The following HNRNPM variants were observed in gnomAD, a reference collection of about 807,000 sequenced individuals.
HNRNPM encodes heterogeneous nuclear ribonucleoprotein M.
Under a neutral mutation model 73.1 loss-of-function variants are expected in HNRNPM, and 11 were observed. That is an observed-to-expected ratio of 0.15 (90% CI 0.09 to 0.25). The LOEUF (loss-of-function observed/expected upper bound fraction) is 0.25. Among genes scored for constraint, HNRNPM ranks in the 10% least tolerant of loss-of-function variants. HNRNPM has a pLI of 1.00. For missense variants in HNRNPM, 789 were observed against 1,067.9 expected (o/e 0.74, Z 3.64); for synonymous variants, 407 against 355.2 (o/e 1.15, Z -1.64).
At chr19:8,463,765 T>A in intron 5 of HNRNPM, 79 bp downstream of exon 5, 1 of 984,226 alleles carries the variant, frequency 1.0e-6, no homozygotes, top group Non-Finnish European at 1.6e-6. Flanking sequence ...AAGACGGTCA[T>A]GGTCCCAGAC....
chr19:8,469,344 G>A (rs1418708991), intron 9 of HNRNPM, among the ~76,000 whole-genome samples: 2 of 152,238 alleles, frequency 1.3e-5, no homozygotes, highest in East Asian at 1.9e-4. Flanking sequence ...CTGAGGCCGG[G>A]AAGGAGTAAG....
At position 8,475,662 on chromosome 19, in the gene HNRNPM, C is replaced by G. The variant is rs563932581; in HGVS notation, c.1120+1418C>G. Among the ~76,000 whole-genome samples the G allele has an allele frequency of 1.6e-3, 251 of 152,314 alleles. 1 individual carries two copies. Among genetic ancestry groups the G allele is most frequent in the African/African-American group, 5.8e-3 (241 of 41,560 alleles). ...AAAGTTGTCACCATTAGTAATAAAG[C>G]AACAGAGGTCTGCGTTTCCAGTGTA... is the stretch of plus-strand genomic sequence containing the variant. On this transcript the variant is annotated intron_variant, in intron 12 of 15. Transcript: ENST00000325495.
intron 1 of HNRNPM, 86 bp downstream of exon 1, chr19:8,445,197 C>T (rs920659819): frequency 4.2e-6 from 5 of 1,193,026 alleles, no homozygotes; most frequent in African/African-American, 1.6e-5. Context: ...CTGTTGGCGG[C>T]CTAGCCCCGG....
chr19:8,486,675 A>G (rs1424088406), intron 14 of HNRNPM, among the ~76,000 whole-genome samples: 1 of 152,130 alleles, frequency 6.6e-6, no homozygotes, highest in Non-Finnish European at 1.5e-5. Flanking sequence ...AAGAGGCACT[A>G]TGTGTTGCAC....
chr19:8,466,440 G>T, intron 7 of HNRNPM, 52 bp downstream of exon 7: 4 of 1,562,946 alleles, frequency 2.6e-6, no homozygotes, highest in Non-Finnish European at 3.5e-6. Context: ...AAATTGCTGT[G>T]TTAGTAATGT....
chr19:8,486,113 A>G lies in HNRNPM; in HGVS notation c.1685A>G (p.Asn562Ser), dbSNP rs759856608. The G allele has an allele frequency of 1.5e-5, 24 of 1,603,956 alleles. No individual in the cohort carries two copies. The highest frequency in any genetic ancestry group is 4.4e-5 in the South Asian group (4 of 90,938). The change falls in exon 14 of 16, where the codon AAT becomes AGT. Residue 562 changes from asparagine (N) to serine (S), a missense_variant. By Grantham distance (46) the Asn-to-Ser change is conservative (BLOSUM62 1). This residue lies in a region of HNRNPM where 604 missense variants were observed against 744.0 expected (regional missense o/e 0.81). Transcript: ENST00000325495. ...ATGLERMGANNLERMGLERMG... is the reference protein window; with the variant it reads ...ATGLERMGANSLERMGLERMG... ...GGCCTGGAGCGCATGGGCGCCAACA[A>G]TCTGGAGCGGATGGGCCTGGAGCGC...
In HNRNPM at chr19:8,488,792, A is replaced by T. The variant is rs1384973215; in HGVS notation, c.2131A>T (p.Met711Leu). The change falls in exon 16 of 16, where the codon ATG becomes TTG. Residue 711 changes from methionine (M) to leucine (L), a missense_variant. Met to Leu is a conservative substitution (Grantham distance 15, BLOSUM62 2). This residue lies in a region of HNRNPM where 43 missense variants were observed against 105.8 expected (regional missense o/e 0.41). Coordinates refer to ENST00000325495, the MANE Select transcript of HNRNPM (RefSeq NM_005968.5). Reference protein sequence around the residue: ...SPEVAERACRMMNGMKLSGRE... With the variant: ...SPEVAERACRLMNGMKLSGRE... ...AGAGGTGGCCGAGAGAGCCTGCCGGATGATGAATGGCATGAAGCTGAGTGG... is the reference window on the plus strand; with the variant it reads ...AGAGGTGGCCGAGAGAGCCTGCCGGTTGATGAATGGCATGAAGCTGAGTGG... 10 of 1,614,030 alleles carry T rather than the reference A, an allele frequency of 6.2e-6. No homozygotes were observed. Among genetic ancestry groups the T allele is most frequent in the Non-Finnish European group, 8.5e-6 (10 of 1,180,002 alleles).
chr19:8,479,227 C>G (rs537153932), intron 12 of HNRNPM, among the ~76,000 whole-genome samples: 1 of 151,332 alleles, frequency 6.6e-6, no homozygotes. Context: ...CTGGCACTGC[C>G]GCCACCACAC....
chr19:8,472,508 A>G (rs776320901), intron 10 of HNRNPM, among the ~76,000 whole-genome samples: 3 of 152,308 alleles, frequency 2.0e-5, no homozygotes, highest in South Asian at 2.1e-4. Context: ...TCTAAACAGA[A>G]AGACTGGGGG....
intron 1 of HNRNPM, among the ~76,000 whole-genome samples, chr19:8,445,923 A>C (rs1219267477): frequency 2.6e-5 from 4 of 152,110 alleles, no homozygotes; most frequent in Non-Finnish European, 4.4e-5. Context: ...TTACTTCCAG[A>C]CTTCATCAGC....
At chr19:8,460,899 C>G (rs1377568494) in intron 2 of HNRNPM, among the ~76,000 whole-genome samples, 2 of 152,216 alleles carry the variant, frequency 1.3e-5, no homozygotes, top group Non-Finnish European at 2.9e-5. Flanking sequence ...TGAATGGCTG[C>G]TGCTCTTGAA....
intron 1 of HNRNPM, chr19:8,445,715 C>T (rs1229326434): frequency 6.6e-6 from 1 of 152,494 alleles, no homozygotes; most frequent in African/African-American, 2.4e-5. Flanking sequence ...GGAACCGCCC[C>T]TCGCCCCACG....
In HNRNPM at chr19:8,488,975, T is replaced by C; in HGVS notation, c.*121T>C. On this transcript the variant is annotated 3_prime_UTR_variant, in exon 16 of 16. Transcript: ENST00000325495. ...TAAAAAATTCAGTTGCTTTTTGGGGTAATTTGAATTACTTTTTTAATGACT... is the reference window on the plus strand; with the variant it reads ...TAAAAAATTCAGTTGCTTTTTGGGGCAATTTGAATTACTTTTTTAATGACT... The C allele has an allele frequency of 1.1e-6, 1 of 887,840 alleles. No individual in the cohort carries two copies. Among genetic ancestry groups the C allele is most frequent in the Non-Finnish European group, 1.7e-6 (1 of 592,206 alleles). The allele number at this position is 887,840 out of a possible 1,614,324, so 55.0% of individuals were successfully genotyped here.
intron 15 of HNRNPM, 26 bp from the exon 16 acceptor site, chr19:8,488,665 C>T (rs374678635): frequency 2.8e-5 from 44 of 1,595,062 alleles, no homozygotes; most frequent in Admixed American, 3.5e-5. Flanking sequence ...GACTGAGTGT[C>T]GTCTCTTCTT....
At chr19:8,473,184 A>T (rs990290421) in intron 10 of HNRNPM, among the ~76,000 whole-genome samples, 1 of 152,154 alleles carries the variant, frequency 6.6e-6, no homozygotes, top group Non-Finnish European at 1.5e-5. Context: ...TTGAGGCTGT[A>T]GGGAGCTGTG....
At chr19:8,468,437 T>C (rs1969905958) in intron 8 of HNRNPM, among the ~76,000 whole-genome samples, 1 of 152,200 alleles carries the variant, frequency 6.6e-6, no homozygotes, top group Non-Finnish European at 1.5e-5. Flanking sequence ...AATTTTTTCA[T>C]TACTCTAAAT....
chr19:8,467,488 G>A, intron 7 of HNRNPM, 47 bp from the exon 8 acceptor site: 2 of 1,423,458 alleles, frequency 1.4e-6, no homozygotes, highest in African/African-American at 1.4e-5. Context: ...TATTTCTCTT[G>A]TGCACATTTT....
intron 14 of HNRNPM, 94 bp downstream of exon 14, chr19:8,486,499 C>T: frequency 1.9e-6 from 2 of 1,031,500 alleles, no homozygotes; most frequent in Non-Finnish European, 2.8e-6. Flanking sequence ...TGGCGCCCTT[C>T]AAAGGGGACC....
chr19:8,450,729 T>TATTATTA (rs78327498), intron 1 of HNRNPM, among the ~76,000 whole-genome samples: 30,736 of 124,764 alleles, frequency 0.25, 4,223 homozygotes, highest in East Asian at 0.58. Flanking sequence ...TTATTATTAT[T>TATTATTA]TTTTTTTTTT....
Sources: gnomAD v4.1 joint callset for allele counts (sites outside exome capture counted in the v4.1 genomes callset) on GRCh38, gnomAD v4.1.1 for gene constraint, gnomAD v4.1.1 regional missense constraint, MANE v1.5 for transcripts, NCBI Gene and HGNC (gene_info 2026-07-23, HGNC 2026-07-21) for gene names.